TENM3: variants seen among roughly 807,000 people sequenced by gnomAD.
TENM3 encodes the protein teneurin transmembrane protein 3.
Under a neutral mutation model 255.1 loss-of-function variants are expected in TENM3, and 63 were observed. The ratio of observed to expected loss-of-function variants is 0.25; its 90% CI spans 0.20 to 0.30. The LOEUF is 0.30. TENM3 is among the 10% of genes least tolerant of loss of function. The probability of loss-of-function intolerance (pLI) is 1.00; values close to 1 mark genes in which losing one functional copy is unlikely to be tolerated. For synonymous variants in TENM3, 1,306 were observed against 1,322.3 expected, an observed-to-expected ratio of 0.99 and a Z score of 0.27; for missense variants, 2,929 against 3,461.1, an observed-to-expected ratio of 0.85 and a Z score of 3.86.
At chr4:182,261,153 C>T (rs12646192) in intron 1 of TENM3, among the ~76,000 whole-genome samples, 10,530 of 152,220 alleles carry the variant, frequency 0.069, 437 homozygotes, top group African/African-American at 0.11. Flanking sequence ...GAATTACAGG[C>T]GTGAGCCACC....
the TENM3 span, among the ~76,000 whole-genome samples, chr4:182,065,573 G>A: frequency 3.9e-5 from 6 of 152,282 alleles, no homozygotes; most frequent in South Asian, 1.2e-3. Context: ...AACAGCAAGG[G>A]GGAAATCCGC....
At chr4:181,873,991 G>T in the TENM3 span, among the ~76,000 whole-genome samples, 5 of 152,150 alleles carry the variant, frequency 3.3e-5, no homozygotes, top group Admixed American at 3.3e-4. Context: ...CACCATGTTG[G>T]CAAGGCTGGT....
the TENM3 span, among the ~76,000 whole-genome samples, chr4:182,108,426 T>C: frequency 6.6e-6 from 1 of 152,222 alleles, no homozygotes; most frequent in African/African-American, 2.4e-5. Context: ...TACTGTTTCC[T>C]CTTTATAAAG....
chr4:181,570,503 C>T, the TENM3 span, among the ~76,000 whole-genome samples: 10 of 135,080 alleles, frequency 7.4e-5, no homozygotes, highest in African/African-American at 2.5e-4. Context: ...CCTGTCTCAG[C>T]GACAAAGAAA....
chr4:182,613,501 A>G (rs995856615), intron 4 of TENM3, among the ~76,000 whole-genome samples: 6 of 152,274 alleles, frequency 3.9e-5, no homozygotes, highest in East Asian at 1.9e-4. Flanking sequence ...ACTTTGCTTC[A>G]TATTGTAGTC....
chr4:182,389,885 C>T (rs1286073237), intron 3 of TENM3, among the ~76,000 whole-genome samples: 1 of 152,066 alleles, frequency 6.6e-6, no homozygotes, highest in Non-Finnish European at 1.5e-5. Context: ...CAGGGTTTCA[C>T]CATGTTGGCC....
chr4:182,797,596 A>AAGAAATATAAT (rs1330579058), intron 27 of TENM3, among the ~76,000 whole-genome samples: 2 of 152,198 alleles, frequency 1.3e-5, no homozygotes, highest in Admixed American at 6.5e-5. Flanking sequence ...ATAAGAAATA[A>AAGAAATATAAT]AGAAATATAA....
the TENM3 span, among the ~76,000 whole-genome samples, chr4:181,615,191 A>G: frequency 6.6e-6 from 1 of 152,106 alleles, no homozygotes; most frequent in Non-Finnish European, 1.5e-5. Flanking sequence ...ACTGGGTGGG[A>G]GAGTCCAAGC....
intron 3 of TENM3, among the ~76,000 whole-genome samples, chr4:182,504,036 T>C (rs1216227121): frequency 6.6e-6 from 1 of 152,004 alleles, no homozygotes; most frequent in Non-Finnish European, 1.5e-5. Flanking sequence ...TTTTATTTAC[T>C]GCCTTTCCCA....
At chr4:181,710,228 A>T in the TENM3 span, among the ~76,000 whole-genome samples, 1 of 152,294 alleles carries the variant, frequency 6.6e-6, no homozygotes, top group South Asian at 2.1e-4. Flanking sequence ...AGTTAGAGGA[A>T]TAAAACAAGA....
intron 1 of TENM3, among the ~76,000 whole-genome samples, chr4:182,232,021 G>T (rs1756614652): frequency 6.6e-6 from 1 of 152,146 alleles, no homozygotes; most frequent in African/African-American, 2.4e-5. Flanking sequence ...CTAACTAGAG[G>T]TACAATTAAA....
chr4:182,726,217 C>T (rs1411166590), intron 13 of TENM3, among the ~76,000 whole-genome samples: 1 of 152,104 alleles, frequency 6.6e-6, no homozygotes, highest in African/African-American at 2.4e-5. Flanking sequence ...CCCCCCTCCC[C>T]CAACTACAAA....
chr4:181,914,751 G>C, the TENM3 span, among the ~76,000 whole-genome samples: 1 of 152,152 alleles, frequency 6.6e-6, no homozygotes. Context: ...AAGAAGACAG[G>C]ATGAATGATA....
intron 22 of TENM3, among the ~76,000 whole-genome samples, chr4:182,771,256 T>C (rs1467525540): frequency 6.6e-6 from 1 of 151,972 alleles, no homozygotes; most frequent in African/African-American, 2.4e-5. Flanking sequence ...GGCTAGAAAA[T>C]ATAAACCAGC....
the TENM3 span, among the ~76,000 whole-genome samples, chr4:182,095,574 G>A: frequency 1.3e-5 from 2 of 152,140 alleles, no homozygotes; most frequent in Non-Finnish European, 2.9e-5. Context: ...AAGAGGGACT[G>A]ATCAATGGAT....
At chr4:182,157,319 G>T (rs1191796019) in intron 1 of TENM3, among the ~76,000 whole-genome samples, 1 of 152,190 alleles carries the variant, frequency 6.6e-6, no homozygotes, top group African/African-American at 2.4e-5. Flanking sequence ...GACCTGAGAA[G>T]AACAAAAGCT....
intron 3 of TENM3, among the ~76,000 whole-genome samples, chr4:182,450,245 A>C (rs2151313159): frequency 6.6e-6 from 1 of 152,358 alleles, no homozygotes; most frequent in African/African-American, 2.4e-5. Flanking sequence ...AGCCATCCAA[A>C]GACCTCTGTG....
At chr4:182,520,833 T>C (rs935262453) in intron 3 of TENM3, among the ~76,000 whole-genome samples, 2 of 152,180 alleles carry the variant, frequency 1.3e-5, no homozygotes, top group African/African-American at 4.8e-5. Context: ...ATCAGCTCTT[T>C]CCTTCTCTCA....
chr4:182,414,900 C>T, intron 3 of TENM3, among the ~76,000 whole-genome samples: 1 of 152,148 alleles, frequency 6.6e-6, no homozygotes, highest in East Asian at 1.9e-4. Context: ...ATCAGCTTTA[C>T]ATTTAATTTT....
Sources: allele counts gnomAD v4.1 joint callset (sites outside exome capture counted in the v4.1 genomes callset), GRCh38; gene constraint gnomAD v4.1.1; transcripts MANE v1.5; gene names NCBI Gene and HGNC (gene_info 2026-07-23, HGNC 2026-07-21).